Variants in ZNF385D observed in about 807,000 individuals in gnomAD.
ZNF385D encodes zinc finger protein 385D.
In ZNF385D, 15 loss-of-function variants were observed where a neutral mutation model predicts 35.8. The ratio of observed to expected loss-of-function variants is 0.42; its 90% CI spans 0.28 to 0.64. The LOEUF (loss-of-function observed/expected upper bound fraction) is 0.64, where lower values mean the gene tolerates loss of function less well. Among genes scored for constraint, ZNF385D ranks in the 30% least tolerant of loss-of-function variants. ZNF385D has a pLI of 0.23. For synonymous variants in ZNF385D, 212 were observed against 186.8 expected (o/e 1.13, Z -1.10); for missense variants, 474 against 494.6 (o/e 0.96, Z 0.39).
intron 3 of ZNF385D, among the ~76,000 whole-genome samples, chr3:22,164,150 C>G (rs1348702364): frequency 6.7e-6 from 1 of 149,374 alleles, no homozygotes; most frequent in Non-Finnish European, 1.5e-5. Context: ...TGGCATATAA[C>G]TAGGCCCACC....
chr3:21,451,979 C>T (rs1386692634), intron 4 of ZNF385D, among the ~76,000 whole-genome samples: 2 of 151,924 alleles, frequency 1.3e-5, no homozygotes, highest in African/African-American at 4.8e-5. Flanking sequence ...TAGGACATTG[C>T]AGCAATTATA....
intron 3 of ZNF385D, among the ~76,000 whole-genome samples, chr3:21,906,710 G>A (rs1699702883): frequency 6.6e-6 from 1 of 152,092 alleles, no homozygotes; most frequent in Non-Finnish European, 1.5e-5. Flanking sequence ...ATTCTTTCCA[G>A]GTGTTTGGCT....
intron 4 of ZNF385D, among the ~76,000 whole-genome samples, chr3:21,507,724 A>G (rs926343520): frequency 6.6e-6 from 1 of 152,132 alleles, no homozygotes; most frequent in Non-Finnish European, 1.5e-5. Context: ...GCCACATGCC[A>G]CTGTGCCAGG....
At chr3:22,107,152 T>G (rs889074038) in intron 3 of ZNF385D, among the ~76,000 whole-genome samples, 18 of 150,480 alleles carry the variant, frequency 1.2e-4, no homozygotes, top group African/African-American at 4.2e-4. Flanking sequence ...AGCCCCGGAG[T>G]AGCTGGGATT....
At chr3:22,050,234 C>T (rs111270362) in intron 3 of ZNF385D, among the ~76,000 whole-genome samples, 4 of 151,072 alleles carry the variant, frequency 2.6e-5, no homozygotes, top group East Asian at 1.9e-4. Flanking sequence ...TGGTGGTACA[C>T]GCTTATAGCC....
intron 2 of ZNF385D, among the ~76,000 whole-genome samples, chr3:22,290,303 A>T (rs1702234870): frequency 6.6e-6 from 1 of 152,242 alleles, no homozygotes; most frequent in South Asian, 2.1e-4. Context: ...TGCTCTCCTC[A>T]GACCACACCA....
At chr3:22,039,681 G>A (rs968136748) in intron 3 of ZNF385D, among the ~76,000 whole-genome samples, 5 of 152,082 alleles carry the variant, frequency 3.3e-5, no homozygotes, top group Non-Finnish European at 7.4e-5. Context: ...TAAATTCATT[G>A]CAAATCCAGG....
intron 4 of ZNF385D, among the ~76,000 whole-genome samples, chr3:21,458,171 T>G (rs1420999959): frequency 1.3e-5 from 2 of 151,796 alleles, no homozygotes; most frequent in African/African-American, 2.4e-5. Context: ...TAACTCAAGG[T>G]TAAGAAACAG....
intron 2 of ZNF385D, among the ~76,000 whole-genome samples, chr3:21,630,205 CTTT>C (rs34565673): frequency 3.5e-5 from 5 of 141,020 alleles, no homozygotes; most frequent in Admixed American, 7.1e-5. Context: ...TCTTTTCTTT[CTTT>C]TTTTTTTTTT....
At chr3:22,021,655 A>G (rs1220045524) in intron 3 of ZNF385D, among the ~76,000 whole-genome samples, 1 of 152,124 alleles carries the variant, frequency 6.6e-6, no homozygotes, top group Non-Finnish European at 1.5e-5. Flanking sequence ...AAGTTGAAGC[A>G]GAAAAAATTT....
In ZNF385D at chr3:21,683,898, C is replaced by T. The variant is rs368108306; in HGVS notation, c.23-18870G>A. 2.5e-4 allele frequency among the ~76,000 whole-genome samples: 38 copies of T among 150,186 alleles called. 2 individuals carry two copies. The highest frequency in any genetic ancestry group is 9.1e-4 in the African/African-American group (37 of 40,798). ...AAACAGATTTTTAACACAGAGTGTC[C>T]TGATGAGGACTCAGTCCAGCCAACA... On this transcript the variant is annotated intron_variant, in intron 1 of 7. Coordinates refer to ENST00000281523, the MANE Select transcript of ZNF385D (RefSeq NM_024697.3).
At chr3:22,180,217 C>T (rs554000323) in intron 2 of ZNF385D, among the ~76,000 whole-genome samples, 13 of 152,190 alleles carry the variant, frequency 8.5e-5, no homozygotes, top group South Asian at 4.2e-4. Flanking sequence ...ACACATACAC[C>T]CTCCGAAGAC....
At chr3:21,632,435 T>C (rs926437308) in intron 2 of ZNF385D, among the ~76,000 whole-genome samples, 2 of 152,156 alleles carry the variant, frequency 1.3e-5, no homozygotes, top group Non-Finnish European at 2.9e-5. Context: ...TGAGTCTATA[T>C]CATTAGTTTA....
intron 3 of ZNF385D, among the ~76,000 whole-genome samples, chr3:21,930,805 C>T (rs574777176): frequency 6.6e-6 from 1 of 152,132 alleles, no homozygotes; most frequent in East Asian, 1.9e-4. Flanking sequence ...TCACACCATA[C>T]ATATAAAATA....
At chr3:21,538,206 A>G (rs576371082) in intron 3 of ZNF385D, among the ~76,000 whole-genome samples, 2 of 152,160 alleles carry the variant, frequency 1.3e-5, no homozygotes, top group South Asian at 4.2e-4. Context: ...CTATTAGGTA[A>G]ACAAGTGCAG....
intron 3 of ZNF385D, among the ~76,000 whole-genome samples, chr3:22,133,223 C>T (rs935262853): frequency 2.0e-5 from 3 of 152,236 alleles, no homozygotes; most frequent in South Asian, 2.1e-4. Flanking sequence ...GGAAATACTT[C>T]GTATCTTCAA....
chr3:21,957,404 G>A (rs1349424495), intron 3 of ZNF385D, among the ~76,000 whole-genome samples: 1 of 152,108 alleles, frequency 6.6e-6, no homozygotes, highest in Non-Finnish European at 1.5e-5. Flanking sequence ...GAAAATATGG[G>A]AAAGTTTGGA....
In ZNF385D at chr3:22,030,590, T is replaced by C. The variant is rs144896921; in HGVS notation, c.325+138227A>G. 4.6e-3 allele frequency among the ~76,000 whole-genome samples: 693 copies of C among 151,832 alleles called. 6 individuals are homozygous for C. Among genetic ancestry groups the C allele is most frequent in the African/African-American group, 0.016 (645 of 41,360 alleles). ...CATGAGAACAGCATGGAGGAAACCA[T>C]TTCTGTGTTCAAATCACCTCCCACC... On this transcript the variant is annotated intron_variant, in intron 3 of 5. Coordinates refer to the ZNF385D transcript ENST00000494108.
chr3:21,726,246 C>T (rs2068761083), intron 1 of ZNF385D, among the ~76,000 whole-genome samples: 1 of 152,168 alleles, frequency 6.6e-6, no homozygotes, highest in Non-Finnish European at 1.5e-5. Context: ...AAACTGGAAG[C>T]ATTCCCTTTG....
Sources: allele counts gnomAD v4.1 joint callset (sites outside exome capture counted in the v4.1 genomes callset), GRCh38; gene constraint gnomAD v4.1.1; transcripts MANE v1.5; gene names NCBI Gene and HGNC (gene_info 2026-07-23, HGNC 2026-07-21).